SPG11: variants seen among roughly 807,000 people sequenced by gnomAD.
The protein encoded by SPG11 is spatacsin.
SPG11 carries 222 observed loss-of-function variants against 274.0 expected under a neutral mutation model. The observed-to-expected ratio is 0.81, with a 90% confidence interval of 0.73 to 0.91. The LOEUF (loss-of-function observed/expected upper bound fraction) is 0.91. Ranked by LOEUF, SPG11 falls within the 40% of genes least tolerant of loss-of-function variation. The pLI is 0.00. For missense variants in SPG11, 3,114 were observed against 2,872.7 expected (o/e 1.08, Z -1.92); for synonymous variants, 1,144 against 1,039.7 (o/e 1.10, Z -1.93).
chr15:44,584,232 C>T lies in SPG11; in HGVS notation c.5448G>A (p.Glu1816=). 6.2e-7 allele frequency: 1 copy of T among 1,614,182 alleles called. No individual in the cohort carries two copies. The highest frequency in any genetic ancestry group is 8.5e-7 in the Non-Finnish European group (1 of 1,180,034). The change falls in exon 30 of 40, where the codon GAG becomes GAA. Residue 1816 remains glutamate, a synonymous_variant. Coordinates refer to ENST00000261866, the MANE Select transcript of SPG11 (RefSeq NM_025137.4). ...GTCGAGAAAATCTGGGCTCTGTTTC[C>T]TCCTGATTTCTTCCAAGAGTGTGCT... The part of the protein sequence containing the change: ...ITQHTLGRNQ[E]ETEPRFSRQI...
At chr15:44,598,194 GAA>G (rs2083091976) in intron 23 of SPG11, 69 bp downstream of exon 23, 6 of 1,167,120 alleles carry the variant, frequency 5.1e-6, no homozygotes, top group African/African-American at 3.0e-5. Context: ...GTTGTTCAAA[GAA>G]AAACTAGGCA....
chr15:44,598,361 G>A lies in SPG11; in HGVS notation c.3905C>T (p.Ser1302Phe), dbSNP rs780298482. The A allele has an allele frequency of 1.2e-6, 2 of 1,613,732 alleles. No homozygotes were observed. The highest frequency in any genetic ancestry group is 2.7e-5 in the African/African-American group (2 of 74,924). ...TGTCTTTTCACCATCAGCTAGTTTA[G>A]ATAGTTTTTCGGCTGTAAGAAATAT... is the stretch of plus-strand genomic sequence containing the variant. Reference protein sequence around the residue: ...FIRESVAEKLSKLADGEKTTT... With the variant: ...FIRESVAEKLFKLADGEKTTT... Residue 1302 changes from serine (S) to phenylalanine (F), a missense_variant, in exon 23 of 40, where the codon TCT (serine) becomes TTT (phenylalanine). By Grantham distance (155) the Ser-to-Phe change is radical. Transcript: ENST00000261866.
chr15:44,654,276 G>A (rs1349009000), intron 4 of SPG11, among the ~76,000 whole-genome samples: 2 of 152,150 alleles, frequency 1.3e-5, no homozygotes, highest in African/African-American at 4.8e-5. Context: ...TTGGGAGGCT[G>A]AGGCAGGTGG....
At chr15:44,662,731 T>C (rs1268382930) in intron 1 of SPG11, among the ~76,000 whole-genome samples, 2 of 151,510 alleles carry the variant, frequency 1.3e-5, no homozygotes, top group Non-Finnish European at 2.9e-5. Context: ...ATGTAAACTC[T>C]TAAGTACTGA....
chr15:44,624,128 C>A (rs1422986049), intron 11 of SPG11, among the ~76,000 whole-genome samples: 1 of 150,726 alleles, frequency 6.6e-6, no homozygotes, highest in Admixed American at 6.6e-5. Flanking sequence ...AAGTGTCTAT[C>A]AACAGATGAA....
intron 34 of SPG11, 42 bp from the exon 35 acceptor site, chr15:44,569,547 T>A (rs371685057): frequency 2.4e-5 from 35 of 1,430,098 alleles, no homozygotes; most frequent in Middle Eastern, 2.3e-4. Flanking sequence ...TCACCTGGAG[T>A]CTGGAGTTCT....
intron 21 of SPG11, among the ~76,000 whole-genome samples, chr15:44,599,856 A>T (rs113787606): frequency 6.6e-6 from 1 of 152,246 alleles, no homozygotes; most frequent in Non-Finnish European, 1.5e-5. Flanking sequence ...TCATCATATA[A>T]TTCCCTTTTT....
At chr15:44,653,893 A>C (rs1257366988) in intron 4 of SPG11, among the ~76,000 whole-genome samples, 1 of 152,146 alleles carries the variant, frequency 6.6e-6, no homozygotes, top group Non-Finnish European at 1.5e-5. Context: ...CCAAAAATAC[A>C]TTGGAAAAAT....
intron 13 of SPG11, 47 bp from the exon 14 acceptor site, chr15:44,621,981 A>G: frequency 6.9e-7 from 1 of 1,448,724 alleles, no homozygotes; most frequent in Non-Finnish European, 9.4e-7. Flanking sequence ...TTGGAGAAAA[A>G]GGCATCATTC....
chr15:44,653,310 C>T (rs910325015), intron 4 of SPG11, among the ~76,000 whole-genome samples: 1 of 152,066 alleles, frequency 6.6e-6, no homozygotes, highest in African/African-American at 2.4e-5. Context: ...AATATTAATC[C>T]TTTAAACAAC....
At chr15:44,660,346 C>A in intron 2 of SPG11, 86 bp downstream of exon 2, 1 of 1,272,476 alleles carries the variant, frequency 7.9e-7, no homozygotes, top group Non-Finnish European at 1.1e-6. Flanking sequence ...GACCTGATTT[C>A]ACCTCTATGA....
chr15:44,657,029 G>A lies in SPG11; in HGVS notation c.869+66C>T. The A allele has an allele frequency of 3.6e-6, 5 of 1,392,384 alleles. No homozygotes were observed. In the South Asian group the frequency reaches 6.5e-5, roughly 18 times the overall value. 86.3% of individuals were successfully genotyped at this position (1,392,384 alleles called of 1,614,324 possible). ...TAGTTAAAAAAAAAAAACTAACGAGGATATTTTTAACCTCTTATCAGTCTA... is the reference window on the plus strand; with the variant it reads ...TAGTTAAAAAAAAAAAACTAACGAGAATATTTTTAACCTCTTATCAGTCTA... On this transcript the variant is annotated intron_variant, in intron 4 of 39. Coordinates refer to ENST00000261866, the MANE Select transcript of SPG11 (RefSeq NM_025137.4).
intron 7 of SPG11, among the ~76,000 whole-genome samples, chr15:44,636,353 C>T (rs1289490726): frequency 2.0e-5 from 3 of 151,446 alleles, no homozygotes. Context: ...ATAGAATATT[C>T]TTGTTCTTAT....
intron 18 of SPG11, among the ~76,000 whole-genome samples, chr15:44,609,425 G>A (rs558266306): frequency 1.3e-5 from 2 of 151,850 alleles, no homozygotes; most frequent in Admixed American, 6.6e-5. Flanking sequence ...CACCGCACCC[G>A]GCCTTTAAAC....
intron 32 of SPG11, 102 bp from the exon 33 acceptor site, chr15:44,572,922 T>TCTC: frequency 8.6e-7 from 1 of 1,167,206 alleles, no homozygotes; most frequent in Non-Finnish European, 1.3e-6. Context: ...GCTCTGCAGC[T>TCTC]CTCCGCTTGC....
At chr15:44,658,753 C>T (rs1349580472) in intron 3 of SPG11, among the ~76,000 whole-genome samples, 2 of 152,126 alleles carry the variant, frequency 1.3e-5, no homozygotes, top group African/African-American at 4.8e-5. Flanking sequence ...GCCACCGCAC[C>T]TGGCCACATA....
chr15:44,627,892 TTC>T (rs1240980911), intron 10 of SPG11, among the ~76,000 whole-genome samples: 1 of 152,058 alleles, frequency 6.6e-6, no homozygotes, highest in African/African-American at 2.4e-5. Context: ...CCCGGATAAT[TTC>T]TTACTTTTTA....
At chr15:44,573,409 A>C in intron 32 of SPG11, 138 bp downstream of exon 32, 2 of 893,430 alleles carry the variant, frequency 2.2e-6, no homozygotes, top group Non-Finnish European at 3.6e-6. Context: ...TGTTTTATTT[A>C]AACAAAATAC....
Position 44,585,430 on chromosome 15 carries a change from C to CA in SPG11, c.5121+205dup, listed in dbSNP as rs67858533. ...TGAAACCCCATCTCTACTAAAAATA[C>CA]AAAAAAAAAAAAAAAAAAAAATTCA... On this transcript the variant is annotated intron_variant, in intron 29 of 39. Coordinates refer to ENST00000261866, the MANE Select transcript of SPG11 (RefSeq NM_025137.4). Among the ~76,000 whole-genome samples, 78,541 of 97,356 alleles carry CA rather than the reference C, an allele frequency of 0.81. 31,891 individuals carry two copies. Among genetic ancestry groups the CA allele is most frequent in the Middle Eastern group, 0.91 (154 of 170 alleles). 63.9% of individuals were successfully genotyped at this position (97,356 alleles called of 152,430 possible). A position where few individuals can be genotyped will look rare whatever the true frequency, so the allele number is the denominator to read the frequency against.
Sources: gnomAD v4.1 joint callset for allele counts (sites outside exome capture counted in the v4.1 genomes callset) on GRCh38, gnomAD v4.1.1 for gene constraint, MANE v1.5 for transcripts, NCBI Gene and HGNC (gene_info 2026-07-23, HGNC 2026-07-21) for gene names.